Variants in PITPNC1 observed in about 807,000 individuals in gnomAD.
PITPNC1 encodes the protein phosphatidylinositol transfer protein cytoplasmic 1.
Under a neutral mutation model 44.7 loss-of-function variants are expected in PITPNC1, and 18 were observed. That is an observed-to-expected ratio of 0.40 (90% CI 0.28 to 0.60). PITPNC1 has a LOEUF of 0.60. PITPNC1 is among the 20% of genes least tolerant of loss of function. PITPNC1 has a pLI of 0.39. For missense variants in PITPNC1, 290 were observed against 418.4 expected (o/e 0.69, Z 2.68); for synonymous variants, 141 against 149.6 (o/e 0.94, Z 0.42).
chr17:67,414,524 C>A (rs553564598), intron 1 of PITPNC1, among the ~76,000 whole-genome samples: 6 of 152,092 alleles, frequency 3.9e-5, no homozygotes, highest in African/African-American at 1.4e-4. Context: ...CTGCAACCTG[C>A]ATTCCAAGGG....
intron 5 of PITPNC1, among the ~76,000 whole-genome samples, chr17:67,631,053 GTTA>G (rs56142240): frequency 0.18 from 22,732 of 127,468 alleles, 2,018 homozygotes; most frequent in East Asian, 0.35. Flanking sequence ...TGTTGTTGTT[GTTA>G]TTATTATTAT....
chr17:67,464,768 C>T (rs925684099), intron 1 of PITPNC1, among the ~76,000 whole-genome samples: 3 of 149,686 alleles, frequency 2.0e-5, no homozygotes, highest in African/African-American at 2.5e-5. Flanking sequence ...GAGACAGAGT[C>T]TCACTCTGTC....
At chr17:67,655,477 A>G (rs2537835) in intron 6 of PITPNC1, among the ~76,000 whole-genome samples, 5,546 of 147,712 alleles carry the variant, frequency 0.038, 256 homozygotes, top group Admixed American at 0.11. Context: ...GAAGAATGGC[A>G]TGAACCTGGG....
intron 1 of PITPNC1, among the ~76,000 whole-genome samples, chr17:67,417,265 C>T (rs951099334): frequency 2.6e-5 from 4 of 151,952 alleles, no homozygotes; most frequent in Non-Finnish European, 4.4e-5. Context: ...GTAGCTAGGA[C>T]TACAGGGACA....
intron 4 of PITPNC1, among the ~76,000 whole-genome samples, chr17:67,575,157 A>G (rs1196391428): frequency 6.6e-6 from 1 of 151,792 alleles, no homozygotes; most frequent in East Asian, 1.9e-4. Flanking sequence ...TTTGACTCTC[A>G]TATGAATTAT....
intron 5 of PITPNC1, among the ~76,000 whole-genome samples, chr17:67,610,938 AAAAG>A (rs1341038913): frequency 2.0e-5 from 3 of 152,016 alleles, no homozygotes; most frequent in South Asian, 2.1e-4. Flanking sequence ...AAAAAAAAGA[AAAAG>A]AAAAGAAAAA....
chr17:67,379,302 A>T (rs1363621760), intron 1 of PITPNC1: 2 of 985,180 alleles, frequency 2.0e-6, no homozygotes, highest in South Asian at 4.7e-5. Context: ...GAGAGGGGCG[A>T]TGTGCTTTGG....
At chr17:67,431,791 ATCACTCTGAAGAACCAAAAGATGAG>A (rs1426098805) in intron 1 of PITPNC1, among the ~76,000 whole-genome samples, 1 of 152,206 alleles carries the variant, frequency 6.6e-6, no homozygotes, top group Admixed American at 6.5e-5. Context: ...GGAAGATATG[ATCACTCTGAAGAACCAAAAGATGAG>A]TCACTCTGAA....
Position 67,446,359 on chromosome 17 carries a change from G to A in PITPNC1, c.48+68157G>A, listed in dbSNP as rs897520110. ...GACTTTCTAAAATTAAGGTACAACC[G>A]ATTCTTTTGCTGCAGTCCTTTCTGC... On this transcript the variant is annotated intron_variant, in intron 1 of 8. Transcript: ENST00000581322. 9.3e-5 allele frequency among the ~76,000 whole-genome samples: 14 copies of A among 151,120 alleles called. No individual in the cohort carries two copies. The South Asian group carries it at 1.3e-3, about 13-fold the overall frequency.
chr17:67,676,888 T>G lies in PITPNC1; in HGVS notation c.682+1346T>G, dbSNP rs1188700002. Among the ~76,000 whole-genome samples the G allele has an allele frequency of 3.3e-5, 5 of 151,990 alleles. No homozygotes were observed. The highest frequency in any genetic ancestry group is 3.3e-4 in the Admixed American group (5 of 15,224). On this transcript the variant is annotated intron_variant, in intron 8 of 8. Coordinates refer to ENST00000581322, the MANE Select transcript of PITPNC1 (RefSeq NM_012417.4). The surrounding 1 kb of genome is among the most constrained non-coding windows in gnomAD (Gnocchi z 4.0). ...AGATCTGCACCTTCTGAAGAGCAAA[T>G]GCACCTTCCTGGGTTTGTCCAAATG... is the stretch of plus-strand genomic sequence containing the variant.
intron 6 of PITPNC1, among the ~76,000 whole-genome samples, chr17:67,658,711 T>C (rs2042302879): frequency 6.6e-6 from 1 of 152,154 alleles, no homozygotes; most frequent in African/African-American, 2.4e-5. Flanking sequence ...TTTGCTGGGT[T>C]GTCTCCTACA....
intron 5 of PITPNC1, among the ~76,000 whole-genome samples, chr17:67,605,486 C>T (rs1308639949): frequency 6.6e-6 from 1 of 152,214 alleles, no homozygotes; most frequent in Non-Finnish European, 1.5e-5. Flanking sequence ...TGAATTTCCC[C>T]GGTTTTGCAT....
chr17:67,605,710 A>T (rs1306382321), intron 5 of PITPNC1, among the ~76,000 whole-genome samples: 3 of 152,254 alleles, frequency 2.0e-5, no homozygotes, highest in African/African-American at 7.2e-5. Flanking sequence ...TCTTAGAACC[A>T]GTTCGGAAAA....
rs111453868 is a variant in PITPNC1 at position 67,656,734 on chromosome 17, T to C, written c.463-12774T>C. On this transcript the variant is annotated intron_variant, in intron 6 of 8. Transcript: ENST00000581322. ...TGCCTGTGGAAAGGCCCAGGGGATT[T>C]TTAACATCGGGGATGAAGGTTGAGG... Among the ~76,000 whole-genome samples, 192 of 152,286 alleles carry C rather than the reference T, an allele frequency of 1.3e-3. 1 individual carries two copies. Among genetic ancestry groups the C allele is most frequent in the African/African-American group, 4.5e-3 (188 of 41,562 alleles).
intron 1 of PITPNC1, among the ~76,000 whole-genome samples, chr17:67,380,234 C>T (rs1435204951): frequency 6.6e-6 from 1 of 152,156 alleles, no homozygotes; most frequent in Non-Finnish European, 1.5e-5. Flanking sequence ...GCCACCACGT[C>T]TGGCTAATTT....
intron 5 of PITPNC1, among the ~76,000 whole-genome samples, chr17:67,620,779 T>C (rs2041819711): frequency 6.6e-6 from 1 of 152,180 alleles, no homozygotes; most frequent in Non-Finnish European, 1.5e-5. Flanking sequence ...TTAATACCCC[T>C]GAAATCCTGT....
chr17:67,613,929 CAAAAAAAAAAAAAAAAA>C (rs61136281), intron 5 of PITPNC1: 1 of 42,782 alleles, frequency 2.3e-5, no homozygotes, highest in Non-Finnish European at 4.0e-5. Flanking sequence ...CCTATCTCTA[CAAAAAAAAAAAAAAAAA>C]AAAAAAAAAG....
At chr17:67,684,781 T>C (rs2042782617) in intron 8 of PITPNC1, among the ~76,000 whole-genome samples, 1 of 152,250 alleles carries the variant, frequency 6.6e-6, no homozygotes, top group South Asian at 2.1e-4. Context: ...ATTATGAACA[T>C]TGCTGAACAA....
rs60508749 is a variant in PITPNC1, at chr17:67,670,974, C to T, written c.618+1311C>T. On this transcript the variant is annotated intron_variant, in intron 7 of 8. Coordinates refer to ENST00000581322, the MANE Select transcript of PITPNC1 (RefSeq NM_012417.4). ...TCAGCTCACTGCAACCTCTGCCTCC[C>T]GGGTTCAAGTGATTATCCTGCCTCA... 2.7e-3 allele frequency among the ~76,000 whole-genome samples: 407 copies of T among 152,032 alleles called. 14 individuals are homozygous for T. Among genetic ancestry groups the T allele is most frequent in the Non-Finnish European group, 3.1e-3 (210 of 67,962 alleles).
Sources: gnomAD v4.1 joint callset for allele counts (sites outside exome capture counted in the v4.1 genomes callset) on GRCh38, gnomAD v4.1.1 for gene constraint, Gnocchi (gnomAD v3.1) non-coding constraint, MANE v1.5 for transcripts, NCBI Gene and HGNC (gene_info 2026-07-23, HGNC 2026-07-21) for gene names.